The following ITGB3 variants were observed in gnomAD, a reference collection of about 807,000 sequenced individuals.
ITGB3 encodes integrin beta-3.
Under a neutral mutation model 85.8 loss-of-function variants are expected in ITGB3, and 48 were observed. The ratio of observed to expected loss-of-function variants is 0.56; its 90% confidence interval spans 0.44 to 0.71. ITGB3 has a LOEUF of 0.71. Ranked by LOEUF, ITGB3 falls within the 30% of genes least tolerant of loss-of-function variation. The probability of loss-of-function intolerance (pLI) is 0.00; values close to 1 mark genes in which losing one functional copy is unlikely to be tolerated. For missense variants in ITGB3, 861 were observed against 1,019.1 expected (o/e 0.84, Z 2.11); for synonymous variants, 363 against 395.6 (o/e 0.92, Z 0.98).
chr17:47,303,895 CCTAT>C (rs1481995310), intron 13 of ITGB3: 2 of 152,076 alleles, frequency 1.3e-5, no homozygotes, highest in Non-Finnish European at 2.9e-5. Flanking sequence ...ACCCACGTTT[CCTAT>C]CTTTTTTTTT....
chr17:47,276,459 A>G (rs1026262718), intron 2 of ITGB3, among the ~76,000 whole-genome samples: 7 of 152,208 alleles, frequency 4.6e-5, no homozygotes, highest in Non-Finnish European at 7.3e-5. Flanking sequence ...GGTAGATCAG[A>G]GCATGACATA....
chr17:47,283,376 G>A lies in ITGB3; in HGVS notation c.188G>A (p.Arg63His), dbSNP rs370054364. The change falls in exon 3 of 15, where the codon CGC (arginine) becomes CAC (histidine). Residue 63 changes from arginine to histidine, a missense_variant. Coordinates refer to ENST00000559488, the MANE Select transcript of ITGB3 (RefSeq NM_000212.3). Reference sequence around the variant, plus strand: ...CAGGCCCTGCCTCTGGGCTCACCTCGCTGTGACCTGAAGGAGAATCTGCTG... The same window carrying A: ...CAGGCCCTGCCTCTGGGCTCACCTCACTGTGACCTGAAGGAGAATCTGCTG... ...SDEALPLGSP[R>H]CDLKENLLKD... 4.9e-5 allele frequency: 79 copies of A among 1,614,060 alleles called. No homozygotes were observed. The highest frequency in any genetic ancestry group is 6.2e-5 in the Non-Finnish European group (73 of 1,180,056).
intron 12 of ITGB3, 115 bp downstream of exon 12, chr17:47,300,693 G>C (rs1279564869): frequency 1.3e-6 from 1 of 778,476 alleles, no homozygotes; most frequent in African/African-American, 1.7e-5. Context: ...CTACCTCAGG[G>C]AATGTTGTGC....
intron 4 of ITGB3, among the ~76,000 whole-genome samples, chr17:47,285,691 A>ATTC (rs2065100011): frequency 6.6e-6 from 1 of 152,198 alleles, no homozygotes; most frequent in Admixed American, 6.5e-5. Context: ...GTTCCCAGGC[A>ATTC]AGACATCAGC....
intron 1 of ITGB3, among the ~76,000 whole-genome samples, chr17:47,270,021 C>A (rs550331569): frequency 2.0e-5 from 3 of 152,278 alleles, no homozygotes; most frequent in African/African-American, 7.2e-5. Context: ...AAGTGCTGAG[C>A]AAAGGGGGAA....
intron 1 of ITGB3, 101 bp from the exon 2 acceptor site, chr17:47,274,318 G>T: frequency 1.0e-6 from 1 of 952,834 alleles, no homozygotes; most frequent in South Asian, 1.3e-5. Flanking sequence ...GTGCACCTGA[G>T]AGCTGTAAAC....
At position 47,287,069 on chromosome 17, in the gene ITGB3, G is replaced by C; in HGVS notation, c.778-1G>C. On this transcript the variant is annotated splice_acceptor_variant, in intron 5 of 14. Transcript: ENST00000559488. LOFTEE classifies it high-confidence loss of function. The stretch of plus-strand genomic sequence containing the variant: ...CTTTGTTTTTTGTTTTCTTTTAACA[G>C]GAAAAGATTGGCTGGAGGAATGATG... 1 of 1,613,834 alleles carries C rather than the reference G, an allele frequency of 6.2e-7. No homozygotes were observed. Among genetic ancestry groups the C allele is most frequent in the Non-Finnish European group, 8.5e-7 (1 of 1,179,920 alleles).
At chr17:47,288,212 G>C (rs1567765366) in intron 6 of ITGB3, among the ~76,000 whole-genome samples, 1 of 126,736 alleles carries the variant, frequency 7.9e-6, no homozygotes, top group Non-Finnish European at 1.7e-5. Flanking sequence ...TAGAAAGAGA[G>C]AGAGAGAGAG....
chr17:47,292,380 A>T lies in ITGB3; in HGVS notation c.1502A>T (p.Glu501Val). The change falls in exon 10 of 15, where the codon GAG becomes GTG. Residue 501 changes from glutamate to valine, a missense_variant. Transcript: ENST00000559488. ...CTGGGATCCCAGTGTGAGTGCTCAGAGGAGGACTATCGCCCTTCCCAGCAG... is the reference window on the plus strand; with the variant it reads ...CTGGGATCCCAGTGTGAGTGCTCAGTGGAGGACTATCGCCCTTCCCAGCAG... ...GWLGSQCECSEEDYRPSQQDE... is the reference protein window; with the variant it reads ...GWLGSQCECSVEDYRPSQQDE... 2 of 1,614,168 alleles carry T rather than the reference A, an allele frequency of 1.2e-6. No individual in the cohort carries two copies. Among genetic ancestry groups the T allele is most frequent in the Non-Finnish European group, 1.7e-6 (2 of 1,180,002 alleles).
At chr17:47,309,282 GGCTCAA>G (rs1423742630) in intron 14 of ITGB3, among the ~76,000 whole-genome samples, 1 of 151,786 alleles carries the variant, frequency 6.6e-6, no homozygotes, top group Non-Finnish European at 1.5e-5. Context: ...AGAACTCCTG[GGCTCAA>G]GTGATCTTCC....
At chr17:47,279,723 C>T (rs185799247) in intron 2 of ITGB3, 9 of 152,378 alleles carry the variant, frequency 5.9e-5, no homozygotes, top group African/African-American at 1.9e-4. Flanking sequence ...TGCTCTCATC[C>T]AGTTTGCTGG....
At chr17:47,306,570 C>T (rs1028292903) in intron 13 of ITGB3, among the ~76,000 whole-genome samples, 1 of 152,132 alleles carries the variant, frequency 6.6e-6, no homozygotes, top group Non-Finnish European at 1.5e-5. Context: ...AGCCACTGGG[C>T]CTGGCCTGGA....
rs1021760478 is a variant in ITGB3, at chr17:47,283,423, T to G, written c.235T>G (p.Ser79Ala). 1.2e-6 allele frequency: 2 copies of G among 1,614,084 alleles called. No homozygotes were observed. The highest frequency in any genetic ancestry group is 2.7e-5 in the African/African-American group (2 of 74,912). ...NLLKDNCAPE[S>A]IEFPVSEARV... ...GCTGAAGGATAACTGTGCCCCAGAATCCATCGAGTTCCCAGTGAGTGAGGC... is the reference window on the plus strand; with the variant it reads ...GCTGAAGGATAACTGTGCCCCAGAAGCCATCGAGTTCCCAGTGAGTGAGGC... The change falls in exon 3 of 15, where the codon TCC (serine) becomes GCC (alanine). Residue 79 changes from serine to alanine, a missense_variant. By Grantham distance (99) the Ser-to-Ala change is moderately conservative (BLOSUM62 1). Coordinates refer to ENST00000559488, the MANE Select transcript of ITGB3 (RefSeq NM_000212.3).
chr17:47,269,508 G>A (rs1281532830), intron 1 of ITGB3, among the ~76,000 whole-genome samples: 1 of 152,180 alleles, frequency 6.6e-6, no homozygotes, highest in Non-Finnish European at 1.5e-5. Flanking sequence ...CTTTGCTAAA[G>A]CATAGGAAGC....
rs200536313 is a variant in ITGB3 at position 47,288,206 on chromosome 17, AAGAGAG to A, written c.939+1005_939+1010del. On this transcript the variant is annotated intron_variant, in intron 6 of 14. Transcript: ENST00000559488. ...CCTAGTGGAGACCCCTTCTCTTAGA[AAGAGAG>A]AGAGAGAGAGAGAGAGAGAGAGAGA... is the stretch of plus-strand genomic sequence containing the variant. Among the ~76,000 whole-genome samples, 298 of 134,910 alleles carry A rather than the reference AAGAGAG, an allele frequency of 2.2e-3. 5 individuals carry two copies. Among genetic ancestry groups the A allele is most frequent in the East Asian group, 0.012 (54 of 4,548 alleles). 88.5% of individuals were successfully genotyped at this position (134,910 alleles called of 152,430 possible). A position where few individuals can be genotyped will look rare whatever the true frequency, so the allele number is the denominator to read the frequency against.
intron 6 of ITGB3, 145 bp from the exon 7 acceptor site, chr17:47,289,536 G>C (rs552131085): frequency 4.4e-6 from 3 of 677,340 alleles, no homozygotes; most frequent in African/African-American, 1.8e-5. Flanking sequence ...TGTTGCCCAG[G>C]CTCTTGTCTC....
Position 47,299,174 on chromosome 17 carries a change from G to T in ITGB3, c.1691-134G>T. ...CTGCTGGGTAGGACTCCCCTGGGTG[G>T]TGAGCCAATTCCCTGCCAACCTGGA... is the stretch of plus-strand genomic sequence containing the variant. On this transcript the variant is annotated intron_variant, in intron 10 of 14. Transcript: ENST00000559488. This position sits in a 1 kb window ranked among gnomAD's most constrained non-coding sequence, Gnocchi z 5.1. The T allele has an allele frequency of 2.3e-6, 2 of 859,000 alleles. No homozygotes were observed. The highest frequency in any genetic ancestry group is 2.9e-5 in the South Asian group (2 of 69,778). The allele number at this position is 859,000 out of a possible 1,614,324, so 53.2% of individuals were successfully genotyped here.
intron 8 of ITGB3, 44 bp downstream of exon 8, chr17:47,290,318 C>G: frequency 6.6e-7 from 1 of 1,518,866 alleles, no homozygotes; most frequent in Admixed American, 1.7e-5. Flanking sequence ...GAGTCCACCT[C>G]ATTTGGCTTA....
In ITGB3 at chr17:47,310,064, G is replaced by C. The variant is rs573623444; in HGVS notation, c.2302-75G>C. The C allele has an allele frequency of 3.0e-6, 4 of 1,315,360 alleles. No homozygotes were observed. In the East Asian group the frequency reaches 6.9e-5, roughly 23 times the overall value. The allele number at this position is 1,315,360 out of a possible 1,614,324, so 81.5% of individuals were successfully genotyped here. On this transcript the variant is annotated intron_variant, in intron 14 of 14. Transcript: ENST00000559488. The stretch of plus-strand genomic sequence containing the variant: ...AACGGTGCCTTGGGAAAACTTCTGA[G>C]ATGAATTTTAAACATTCAGGGTAGG...
Sources: allele counts gnomAD v4.1 joint callset (sites outside exome capture counted in the v4.1 genomes callset), GRCh38; gene constraint gnomAD v4.1.1; non-coding constraint Gnocchi (gnomAD v3.1); transcripts MANE v1.5; gene names NCBI Gene and HGNC (gene_info 2026-07-23, HGNC 2026-07-21).